The following GALNT13 variants were observed in gnomAD, a reference collection of about 807,000 sequenced individuals.
The protein encoded by GALNT13 is polypeptide N-acetylgalactosaminyltransferase 13, also known as UDP-GalNAc:polypeptide N-acetylgalactosaminyltransferase 13.
A neutral mutation model predicts 64.2 loss-of-function variants in GALNT13; 28 were observed. The observed-to-expected ratio is 0.44, with a 90% CI of 0.32 to 0.60. The LOEUF (loss-of-function observed/expected upper bound fraction) is 0.60. GALNT13 is among the 20% of genes least tolerant of loss of function. The probability of loss-of-function intolerance (pLI) is 0.05; values close to 1 mark genes in which losing one functional copy is unlikely to be tolerated. For missense variants in GALNT13, 577 were observed against 669.8 expected (o/e 0.86, Z 1.53); for synonymous variants, 214 against 224.6 (o/e 0.95, Z 0.42).
chr2:153,744,980 A>C, the GALNT13 span, among the ~76,000 whole-genome samples: 1 of 152,158 alleles, frequency 6.6e-6, no homozygotes, highest in Non-Finnish European at 1.5e-5. Context: ...TTGCAGGCAG[A>C]GCATGGTTTC....
chr2:153,715,833 C>CTTT, the GALNT13 span, among the ~76,000 whole-genome samples: 5 of 137,092 alleles, frequency 3.6e-5, no homozygotes, highest in Non-Finnish European at 6.4e-5. Flanking sequence ...CTTCTTCTTC[C>CTTT]TTTTTTTTTT....
chr2:153,418,822 C>T, the GALNT13 span, among the ~76,000 whole-genome samples: 12 of 152,182 alleles, frequency 7.9e-5, no homozygotes, highest in East Asian at 2.1e-3. Context: ...CACACCACTG[C>T]ACTTCAGCCT....
chr2:153,445,276 G>C, the GALNT13 span, among the ~76,000 whole-genome samples: 2 of 152,132 alleles, frequency 1.3e-5, no homozygotes, highest in Non-Finnish European at 2.9e-5. Flanking sequence ...CCCCATATGA[G>C]AAGTCTAACA....
At chr2:153,453,331 C>G in the GALNT13 span, among the ~76,000 whole-genome samples, 35,075 of 152,070 alleles carry the variant, frequency 0.23, 4,220 homozygotes, top group Non-Finnish European at 0.25. Context: ...ACTAAACAGA[C>G]AGCCCACAGA....
intron 2 of GALNT13, among the ~76,000 whole-genome samples, chr2:153,936,972 C>T (rs1003133976): frequency 3.3e-5 from 5 of 152,114 alleles, no homozygotes; most frequent in Admixed American, 3.3e-4. Flanking sequence ...CCACCTTGGC[C>T]TCCCAAAGTG....
chr2:153,367,500 A>C, the GALNT13 span, among the ~76,000 whole-genome samples: 1 of 152,128 alleles, frequency 6.6e-6, no homozygotes, highest in African/African-American at 2.4e-5. Context: ...TGAAATTGTG[A>C]GATTACCCTG....
At position 154,024,318 on chromosome 2, in the gene GALNT13, C is replaced by G. The variant is rs551571014; in HGVS notation, c.142+79679C>G. 2.0e-5 allele frequency among the ~76,000 whole-genome samples: 3 copies of G among 152,322 alleles called. No homozygotes were observed. The South Asian group carries it at 6.2e-4, about 32-fold the overall frequency. ...CCAACTTGGTTGCATTTCTCCCCGT[C>G]ACTTTCAGGTACACCAATCAGACAT... On this transcript the variant is annotated intron_variant, in intron 3 of 12. Transcript: ENST00000392825.
the GALNT13 span, among the ~76,000 whole-genome samples, chr2:153,291,005 G>A: frequency 1.5e-4 from 23 of 152,182 alleles, no homozygotes; most frequent in Admixed American, 1.4e-3. Flanking sequence ...TGTCTTTGTT[G>A]TTGGTTTATT....
At chr2:153,573,469 T>C in the GALNT13 span, among the ~76,000 whole-genome samples, 1 of 152,076 alleles carries the variant, frequency 6.6e-6, no homozygotes, top group African/African-American at 2.4e-5. Context: ...AAGTAAGGAC[T>C]TCTTTCTGCT....
At chr2:154,034,627 C>T (rs955640106) in intron 3 of GALNT13, among the ~76,000 whole-genome samples, 2 of 134,892 alleles carry the variant, frequency 1.5e-5, no homozygotes, top group African/African-American at 3.4e-5. Flanking sequence ...GTCCATTATC[C>T]ACACTCTGTG....
chr2:154,007,957 C>G (rs139927351), intron 3 of GALNT13, among the ~76,000 whole-genome samples: 6 of 149,188 alleles, frequency 4.0e-5, no homozygotes, highest in African/African-American at 1.5e-4. Flanking sequence ...TATTTCCACT[C>G]CTATTCCATC....
the GALNT13 span, among the ~76,000 whole-genome samples, chr2:153,644,763 A>G: frequency 6.6e-6 from 1 of 151,998 alleles, no homozygotes; most frequent in East Asian, 1.9e-4. Context: ...TGCATTCTCA[A>G]GATCAGGTAA....
the GALNT13 span, among the ~76,000 whole-genome samples, chr2:153,091,880 T>C: frequency 6.6e-6 from 1 of 152,218 alleles, no homozygotes; most frequent in Admixed American, 6.5e-5. Flanking sequence ...GCTTTGGTTA[T>C]GTGCACTTGT....
At chr2:153,085,942 G>C in the GALNT13 span, among the ~76,000 whole-genome samples, 1 of 152,190 alleles carries the variant, frequency 6.6e-6, no homozygotes, top group Non-Finnish European at 1.5e-5. Context: ...AGCCACAGGG[G>C]CAGAGCTGCC....
chr2:153,268,438 C>G, the GALNT13 span, among the ~76,000 whole-genome samples: 3 of 152,214 alleles, frequency 2.0e-5, no homozygotes, highest in Non-Finnish European at 4.4e-5. Flanking sequence ...GCCCCTGTGG[C>G]TTTGCAGGGT....
In GALNT13 at chr2:154,269,906, G is replaced by GTATATATATA. The variant is rs67387315; in HGVS notation, c.975+10778_975+10787dup. Among the ~76,000 whole-genome samples, 871 of 96,818 alleles carry GTATATATATA rather than the reference G, an allele frequency of 9.0e-3. 49 individuals are homozygous for GTATATATATA. Among genetic ancestry groups the GTATATATATA allele is most frequent in the Middle Eastern group, 0.025 (5 of 200 alleles). The allele number at this position is 96,818 out of a possible 152,430, so 63.5% of individuals were successfully genotyped here. On this transcript the variant is annotated intron_variant, in intron 8 of 12. Transcript: ENST00000392825. ...GTCATATATATATTTATATATATGT[G>GTATATATATA]TATATATATATATATATATTTCTAA...
At chr2:153,568,830 T>C in the GALNT13 span, among the ~76,000 whole-genome samples, 2 of 152,212 alleles carry the variant, frequency 1.3e-5, no homozygotes, top group African/African-American at 2.4e-5. Flanking sequence ...GATTAGTTAA[T>C]GGATTAGTTT....
chr2:153,111,718 C>T, the GALNT13 span, among the ~76,000 whole-genome samples: 1 of 151,988 alleles, frequency 6.6e-6, no homozygotes, highest in African/African-American at 2.4e-5. Flanking sequence ...TTTTAGTAGG[C>T]TTTCCTAGAA....
chr2:153,651,786 C>A, the GALNT13 span, among the ~76,000 whole-genome samples: 2 of 152,096 alleles, frequency 1.3e-5, no homozygotes, highest in Non-Finnish European at 2.9e-5. Flanking sequence ...AAGCAAAATG[C>A]CATTGGATTG....
Sources: allele counts gnomAD v4.1 joint callset (sites outside exome capture counted in the v4.1 genomes callset), GRCh38; gene constraint gnomAD v4.1.1; transcripts MANE v1.5; gene names NCBI Gene and HGNC (gene_info 2026-07-23, HGNC 2026-07-21).